DCLK2: variants seen among roughly 807,000 people sequenced by gnomAD.
The protein encoded by DCLK2 is serine/threonine-protein kinase DCLK2.
Under a neutral mutation model 78.4 loss-of-function variants are expected in DCLK2, and 31 were observed. That is an observed-to-expected ratio of 0.40 (90% CI 0.30 to 0.53). The LOEUF is 0.53. DCLK2 is among the 20% of genes least tolerant of loss of function. The pLI, the probability that DCLK2 is intolerant of heterozygous loss-of-function variation, is 0.61. For missense variants in DCLK2, 872 were observed against 973.7 expected, an observed-to-expected ratio of 0.90 and a Z score of 1.39; for synonymous variants, 407 against 374.9, an observed-to-expected ratio of 1.09 and a Z score of -0.99.
At chr4:150,182,733 G>C (rs1398515549) in intron 2 of DCLK2, among the ~76,000 whole-genome samples, 1 of 151,880 alleles carries the variant, frequency 6.6e-6, no homozygotes, top group African/African-American at 2.4e-5. Context: ...CATTTCTTAG[G>C]GAAAAAAATG....
intron 2 of DCLK2, among the ~76,000 whole-genome samples, chr4:150,190,755 A>T (rs537759140): frequency 6.6e-6 from 1 of 152,174 alleles, no homozygotes; most frequent in Non-Finnish European, 1.5e-5. Context: ...ACTAAAAAAA[A>T]CATTGAATTG....
intron 4 of DCLK2, among the ~76,000 whole-genome samples, chr4:150,203,591 A>G (rs1396430603): frequency 1.1e-4 from 13 of 122,120 alleles, no homozygotes; most frequent in African/African-American, 3.7e-4. Context: ...AAATAGTTCT[A>G]GTTTCACTCT....
intron 5 of DCLK2, among the ~76,000 whole-genome samples, chr4:150,218,101 C>G (rs1035762889): frequency 2.0e-5 from 3 of 148,556 alleles, no homozygotes; most frequent in Non-Finnish European, 4.5e-5. Flanking sequence ...CCCCTCCCCC[C>G]ACAACGAGGC....
chr4:150,110,431 A>G (rs1349846016), intron 2 of DCLK2, among the ~76,000 whole-genome samples: 2 of 152,094 alleles, frequency 1.3e-5, no homozygotes, highest in Non-Finnish European at 2.9e-5. Flanking sequence ...ATAGATAACA[A>G]CTAATAGCTT....
chr4:150,102,196 A>G (rs1409040996), intron 1 of DCLK2, among the ~76,000 whole-genome samples: 1 of 152,218 alleles, frequency 6.6e-6, no homozygotes, highest in Non-Finnish European at 1.5e-5. Context: ...GATACTGAGG[A>G]CCAAAATGTG....
At chr4:150,199,902 G>A (rs1739334023) in intron 4 of DCLK2, among the ~76,000 whole-genome samples, 1 of 152,164 alleles carries the variant, frequency 6.6e-6, no homozygotes, top group African/African-American at 2.4e-5. Context: ...CTACTCAGAG[G>A]CTGAGGCAGG....
At chr4:150,215,994 T>A (rs1740689010) in intron 5 of DCLK2, among the ~76,000 whole-genome samples, 1 of 152,202 alleles carries the variant, frequency 6.6e-6, no homozygotes, top group South Asian at 2.1e-4. Context: ...GGAACATGGA[T>A]GAAAACCAGT....
chr4:150,246,211 A>AT (rs959875263), intron 12 of DCLK2, among the ~76,000 whole-genome samples: 15 of 151,994 alleles, frequency 9.9e-5, no homozygotes, highest in African/African-American at 3.1e-4. Flanking sequence ...TGCCTGGCTG[A>AT]TTTTTTTGTA....
At chr4:150,138,600 C>T (rs1368094506) in intron 2 of DCLK2, among the ~76,000 whole-genome samples, 1 of 152,144 alleles carries the variant, frequency 6.6e-6, no homozygotes, top group Non-Finnish European at 1.5e-5. Flanking sequence ...GGCACTGTGC[C>T]AAGTTAAGAG....
At chr4:150,227,395 A>C (rs1425078438) in intron 8 of DCLK2, among the ~76,000 whole-genome samples, 1 of 152,206 alleles carries the variant, frequency 6.6e-6, no homozygotes, top group Non-Finnish European at 1.5e-5. Context: ...TTCTGCAAAG[A>C]ATGTTGGAGT....
At chr4:150,156,619 T>C (rs1735291105) in intron 2 of DCLK2, among the ~76,000 whole-genome samples, 1 of 151,918 alleles carries the variant, frequency 6.6e-6, no homozygotes, top group African/African-American at 2.4e-5. Context: ...CAGTGAGCTA[T>C]GATCATGCCA....
chr4:150,163,223 C>T (rs1400856674), intron 2 of DCLK2, among the ~76,000 whole-genome samples: 1 of 151,968 alleles, frequency 6.6e-6, no homozygotes, highest in Non-Finnish European at 1.5e-5. Context: ...CATGGTGAAA[C>T]CCTGTCTCTA....
chr4:150,108,271 T>A (rs1339891793), intron 2 of DCLK2, among the ~76,000 whole-genome samples: 1 of 151,988 alleles, frequency 6.6e-6, no homozygotes, highest in African/African-American at 2.4e-5. Flanking sequence ...CACTTTGGGA[T>A]GCTGAGGCGG....
chr4:150,175,011 A>ATATATATATATATATAT lies in DCLK2; in HGVS notation c.757-18127_757-18126insTATATATATATATATAT, dbSNP rs1553964170. 7.0e-4 allele frequency among the ~76,000 whole-genome samples: 7 copies of ATATATATATATATATAT among 9,976 alleles called. 2 individuals carry two copies. Among genetic ancestry groups the ATATATATATATATATAT allele is most frequent in the African/African-American group, 1.8e-3 (7 of 3,794 alleles). The allele number at this position is 9,976 out of a possible 152,430, so 6.5% of individuals were successfully genotyped here. Reference sequence around the variant, plus strand: ...AGACTCCGTCGCAAAAAAAAAAAAAAATATATATATATATATATATATTTA... The same window carrying ATATATATATATATATAT: ...AGACTCCGTCGCAAAAAAAAAAAAAATATATATATATATATATATATATATATATATATATATATTTA... On this transcript the variant is annotated intron_variant, in intron 2 of 15. Coordinates refer to ENST00000296550, the MANE Select transcript of DCLK2 (RefSeq NM_001040260.4).
intron 2 of DCLK2, among the ~76,000 whole-genome samples, chr4:150,126,277 G>A (rs968169972): frequency 9.2e-5 from 14 of 152,182 alleles, no homozygotes; most frequent in African/African-American, 2.7e-4. Context: ...GGCACTCTAC[G>A]AGACACATGA....
At chr4:150,122,307 C>T (rs1580542578) in intron 2 of DCLK2, among the ~76,000 whole-genome samples, 1 of 152,152 alleles carries the variant, frequency 6.6e-6, no homozygotes, top group East Asian at 1.9e-4. Context: ...ACGTGCACAC[C>T]TATGTTTATT....
chr4:150,225,286 A>C (rs1051061697), intron 8 of DCLK2, among the ~76,000 whole-genome samples: 1 of 152,258 alleles, frequency 6.6e-6, no homozygotes, highest in Non-Finnish European at 1.5e-5. Context: ...AAGCTGATGC[A>C]TCATGAGCAG....
At chr4:150,145,241 C>T (rs1734386801) in intron 2 of DCLK2, among the ~76,000 whole-genome samples, 3 of 152,122 alleles carry the variant, frequency 2.0e-5, no homozygotes, top group Admixed American at 6.5e-5. Context: ...CCTGGGGTTG[C>T]CTTTGATTTC....
At chr4:150,184,107 G>C (rs1282515773) in intron 2 of DCLK2, among the ~76,000 whole-genome samples, 2 of 152,188 alleles carry the variant, frequency 1.3e-5, no homozygotes, top group African/African-American at 4.8e-5. Context: ...GCTATGTAAT[G>C]CTGGAATTAT....
Sources: gnomAD v4.1 joint callset for allele counts (sites outside exome capture counted in the v4.1 genomes callset) on GRCh38, gnomAD v4.1.1 for gene constraint, MANE v1.5 for transcripts, NCBI Gene and HGNC (gene_info 2026-07-23, HGNC 2026-07-21) for gene names.